BTBD9: variants seen among roughly 807,000 people sequenced by gnomAD.
The protein encoded by BTBD9 is BTB domain containing 9, also known as BTB/POZ domain-containing protein 9.
A neutral mutation model predicts 64.3 loss-of-function variants in BTBD9; 49 were observed. That is an observed-to-expected ratio of 0.76 (90% CI 0.61 to 0.97). BTBD9 has a LOEUF of 0.97. Among genes scored for constraint, BTBD9 ranks in the 50% least tolerant of loss-of-function variants. The probability of loss-of-function intolerance (pLI) is 0.00; values close to 1 mark genes in which losing one functional copy is unlikely to be tolerated. For missense variants in BTBD9, 598 were observed against 762.1 expected (o/e 0.78, Z 2.53); for synonymous variants, 260 against 274.7 (o/e 0.95, Z 0.53).
intron 6 of BTBD9, among the ~76,000 whole-genome samples, chr6:38,535,193 A>G (rs1439613365): frequency 6.6e-6 from 1 of 152,176 alleles, no homozygotes; most frequent in Non-Finnish European, 1.5e-5. Context: ...ACATACAAAA[A>G]TCAGTTGCAT....
At chr6:38,631,756 A>G (rs2127533219) in intron 1 of BTBD9, among the ~76,000 whole-genome samples, 1 of 152,296 alleles carries the variant, frequency 6.6e-6, no homozygotes, top group African/African-American at 2.4e-5. Flanking sequence ...CTTGATTGCA[A>G]CTCATCAGTG....
At chr6:38,256,225 A>T (rs1004205213) in intron 9 of BTBD9, among the ~76,000 whole-genome samples, 184 bp downstream of exon 9, 3 of 152,202 alleles carry the variant, frequency 2.0e-5, no homozygotes, top group Admixed American at 2.0e-4. Flanking sequence ...CTGTTTGGTG[A>T]CATCAAGTAA....
At chr6:38,283,172 C>T (rs1272078381) in intron 8 of BTBD9, among the ~76,000 whole-genome samples, 1 of 152,200 alleles carries the variant, frequency 6.6e-6, no homozygotes, top group Non-Finnish European at 1.5e-5. Flanking sequence ...ACTGACCATG[C>T]TTACTTAGGC....
intron 7 of BTBD9, among the ~76,000 whole-genome samples, chr6:38,320,970 G>A (rs1231091717): frequency 1.3e-5 from 2 of 152,212 alleles, no homozygotes; most frequent in East Asian, 1.9e-4. Context: ...CAGAATAACC[G>A]AGAAAGCAGT....
intron 7 of BTBD9, among the ~76,000 whole-genome samples, chr6:38,327,561 A>G (rs753030024): frequency 7.9e-5 from 12 of 152,192 alleles, no homozygotes; most frequent in Admixed American, 3.3e-4. Flanking sequence ...CCCATTTTCA[A>G]CATCTTTCCT....
intron 6 of BTBD9, among the ~76,000 whole-genome samples, chr6:38,490,720 C>A (rs1014494111): frequency 1.3e-5 from 2 of 152,150 alleles, no homozygotes; most frequent in South Asian, 2.1e-4. Context: ...CCCAGAGAGA[C>A]CTGTCAGTGA....
intron 9 of BTBD9, among the ~76,000 whole-genome samples, chr6:38,210,406 C>T (rs1383866203): frequency 6.6e-6 from 1 of 152,168 alleles, no homozygotes; most frequent in Non-Finnish European, 1.5e-5. Context: ...GTGCTTTTCT[C>T]TCTCCTGCAG....
intron 7 of BTBD9, among the ~76,000 whole-genome samples, chr6:38,332,889 A>G (rs954748924): frequency 6.6e-6 from 1 of 152,176 alleles, no homozygotes; most frequent in South Asian, 2.1e-4. Flanking sequence ...CTTTTTTCCA[A>G]GGTAGGCATT....
chr6:38,300,793 T>C (rs901032816), intron 7 of BTBD9, among the ~76,000 whole-genome samples: 2 of 152,214 alleles, frequency 1.3e-5, no homozygotes, highest in African/African-American at 4.8e-5. Flanking sequence ...TATACAATCA[T>C]GTCATCTGCA....
At chr6:38,491,760 C>A (rs886282168) in intron 6 of BTBD9, among the ~76,000 whole-genome samples, 1 of 151,926 alleles carries the variant, frequency 6.6e-6, no homozygotes, top group Admixed American at 6.6e-5. Flanking sequence ...GGAAGAAAAA[C>A]AAATCCTGAG....
chr6:38,616,272 C>A (rs1405286692), intron 1 of BTBD9, among the ~76,000 whole-genome samples: 2 of 152,176 alleles, frequency 1.3e-5, no homozygotes, highest in Non-Finnish European at 2.9e-5. Flanking sequence ...TATAACCCTG[C>A]TGACACTTTG....
chr6:38,262,309 C>T (rs559629066), intron 8 of BTBD9, among the ~76,000 whole-genome samples: 2 of 152,224 alleles, frequency 1.3e-5, no homozygotes, highest in Non-Finnish European at 2.9e-5. Flanking sequence ...AGTTGCTGGC[C>T]AAGATTTATT....
Position 38,175,082 on chromosome 6 carries a change from T to C in BTBD9, c.1742A>G (p.Gln581Arg), listed in dbSNP as rs766784231. 1.2e-6 allele frequency: 2 copies of C among 1,614,260 alleles called. No homozygotes were observed. The highest frequency in any genetic ancestry group is 4.5e-5 in the East Asian group (2 of 44,884). The change falls in exon 11 of 11, where the codon CAG becomes CGG. Residue 581 changes from glutamine (Q) to arginine (R), a missense_variant. By Grantham distance (43) the Gln-to-Arg change is conservative. Transcript: ENST00000481247. The stretch of plus-strand genomic sequence containing the variant: ...CCGCAGCGCATGGGAGTCGAGCTGC[T>C]GACCGGCCAGGCTGGTGTCCCCTGT... The part of the protein sequence containing the change: ...SGTGDTSLAG[Q>R]QLDSHALRAP...
intron 8 of BTBD9, among the ~76,000 whole-genome samples, chr6:38,279,484 A>G (rs115316985): frequency 1.3e-5 from 2 of 152,150 alleles, no homozygotes; most frequent in African/African-American, 4.8e-5. Context: ...TTTTTTCAGA[A>G]TAGCTTTATT....
chr6:38,627,253 A>G (rs1041987138), intron 1 of BTBD9, among the ~76,000 whole-genome samples: 34 of 152,216 alleles, frequency 2.2e-4, no homozygotes, highest in African/African-American at 8.0e-4. Flanking sequence ...GGGGTGTCTT[A>G]TAAAACTAGT....
chr6:38,210,695 CG>C (rs1309170089), intron 9 of BTBD9, among the ~76,000 whole-genome samples: 10 of 152,142 alleles, frequency 6.6e-5, no homozygotes, highest in Non-Finnish European at 2.9e-5. Context: ...TTAATGGTTT[CG>C]CTCCCAAATT....
chr6:38,441,667 T>C (rs1769041462), intron 6 of BTBD9, among the ~76,000 whole-genome samples: 1 of 152,134 alleles, frequency 6.6e-6, no homozygotes, highest in South Asian at 2.1e-4. Flanking sequence ...TCCTCCCACC[T>C]TGGCCTCCAA....
chr6:38,478,078 G>A (rs1001714515), intron 6 of BTBD9, among the ~76,000 whole-genome samples: 6 of 152,186 alleles, frequency 3.9e-5, no homozygotes, highest in Non-Finnish European at 7.3e-5. Flanking sequence ...GCATGTGTGA[G>A]TGCCTAAGAG....
At chr6:38,244,442 C>T (rs996094243) in intron 9 of BTBD9, among the ~76,000 whole-genome samples, 7 of 152,096 alleles carry the variant, frequency 4.6e-5, no homozygotes, top group African/African-American at 1.7e-4. Flanking sequence ...CTCTGGCAGG[C>T]AGTTTAGAGT....
Sources: gnomAD v4.1 joint callset for allele counts (sites outside exome capture counted in the v4.1 genomes callset) on GRCh38, gnomAD v4.1.1 for gene constraint, MANE v1.5 for transcripts, NCBI Gene and HGNC (gene_info 2026-07-23, HGNC 2026-07-21) for gene names.